Variants in ZCWPW2 observed in about 807,000 individuals in gnomAD.
The protein encoded by ZCWPW2 is zinc finger CW-type PWWP domain protein 2.
In ZCWPW2, 45 loss-of-function variants were observed where a neutral mutation model predicts 46.6. The ratio of observed to expected loss-of-function variants is 0.96; its 90% CI spans 0.76 to 1.24. The LOEUF (loss-of-function observed/expected upper bound fraction) is 1.24. Among genes scored for constraint, ZCWPW2 ranks in the 50% most tolerant of loss-of-function variants. ZCWPW2 has a pLI of 0.00. For synonymous variants in ZCWPW2, 152 were observed against 137.1 expected, an observed-to-expected ratio of 1.11 and a Z score of -0.76; for missense variants, 429 against 403.9, an observed-to-expected ratio of 1.06 and a Z score of -0.53.
At chr3:28,363,909 G>C (rs112709685) in intron 1 of ZCWPW2, among the ~76,000 whole-genome samples, 1,606 of 152,144 alleles carry the variant, frequency 0.011, 26 homozygotes, top group African/African-American at 0.037. Context: ...CCCTCCTTTT[G>C]TGAATAATAA....
At position 28,525,369 on chromosome 3, in the gene ZCWPW2, A is replaced by G. The variant is rs1358852223; in HGVS notation, c.*681A>G. Among the ~76,000 whole-genome samples the G allele has an allele frequency of 5.3e-5, 8 of 152,158 alleles. No homozygotes were observed. The highest frequency in any genetic ancestry group is 1.2e-4 in the Non-Finnish European group (8 of 68,022). ...ATTTAAAGTGTATAGAGAGAAGTTA[A>G]ACATATTGATTATAAGAAATCTAAC... is the stretch of plus-strand genomic sequence containing the variant. On this transcript the variant is annotated 3_prime_UTR_variant, in exon 10 of 10. Coordinates refer to ENST00000383768, the MANE Select transcript of ZCWPW2 (RefSeq NM_001040432.4).
chr3:28,461,846 G>T (rs1420165449), intron 4 of ZCWPW2: 1 of 152,084 alleles, frequency 6.6e-6, no homozygotes, highest in African/African-American at 2.4e-5. Context: ...AAAACAATAG[G>T]CAGAGTTAAG....
At chr3:28,513,049 GCCCTCTTCTAGTCACACTTC>G (rs939935864) in intron 6 of ZCWPW2, among the ~76,000 whole-genome samples, 10 of 152,110 alleles carry the variant, frequency 6.6e-5, no homozygotes, top group Non-Finnish European at 1.2e-4. Context: ...GTGTTCTCAT[GCCCTCTTCTAGTCACACTTC>G]CTACCTCCAA....
intron 1 of ZCWPW2, among the ~76,000 whole-genome samples, chr3:28,371,255 G>C (rs998588043): frequency 2.0e-5 from 3 of 151,972 alleles, no homozygotes; most frequent in Non-Finnish European, 4.4e-5. Context: ...TTTTTCTGAC[G>C]CTTGTTAAAA....
At chr3:28,501,719 T>C (rs1413623519) in intron 6 of ZCWPW2, among the ~76,000 whole-genome samples, 2 of 152,158 alleles carry the variant, frequency 1.3e-5, no homozygotes, top group Non-Finnish European at 2.9e-5. Context: ...TATCCATTTA[T>C]TACTTTAAAT....
At position 28,365,821 on chromosome 3, in the gene ZCWPW2, G is replaced by A. The variant is rs562345080; in HGVS notation, c.-134+16618G>A. On this transcript the variant is annotated intron_variant, in intron 1 of 9. Coordinates refer to ENST00000383768, the MANE Select transcript of ZCWPW2 (RefSeq NM_001040432.4). Reference sequence around the variant, plus strand: ...ATTTGTTTGTATCCTCTTTTATTTCGTTGAGCAGTGGTTTGTAGTTTTCCT... The same window carrying A: ...ATTTGTTTGTATCCTCTTTTATTTCATTGAGCAGTGGTTTGTAGTTTTCCT... Among the ~76,000 whole-genome samples the A allele has an allele frequency of 6.4e-5, 9 of 140,594 alleles. 1 individual carries two copies. The highest frequency in any genetic ancestry group is 2.3e-4 in the South Asian group (1 of 4,350). 92.2% of individuals were successfully genotyped at this position (140,594 alleles called of 152,430 possible). A position where few individuals can be genotyped will look rare whatever the true frequency, so the allele number is the denominator to read the frequency against.
At chr3:28,484,758 C>A (rs543342851) in intron 5 of ZCWPW2, among the ~76,000 whole-genome samples, 2 of 150,184 alleles carry the variant, frequency 1.3e-5, no homozygotes, top group Non-Finnish European at 3.0e-5. Flanking sequence ...GCCTTCCTGC[C>A]TGCCTTCCTG....
At chr3:28,516,967 A>G (rs995302636) in intron 8 of ZCWPW2, among the ~76,000 whole-genome samples, 2 of 152,176 alleles carry the variant, frequency 1.3e-5, no homozygotes, top group African/African-American at 4.8e-5. Context: ...ATCTATGATC[A>G]CGCCACTGCA....
At position 28,515,634 on chromosome 3, in the gene ZCWPW2, C is replaced by G. The variant is rs536392195; in HGVS notation, c.784+13C>G. The G allele has an allele frequency of 6.3e-7, 1 of 1,597,412 alleles. No homozygotes were observed. The highest frequency in any genetic ancestry group is 2.2e-5 in the East Asian group (1 of 44,636). On this transcript the variant is annotated intron_variant, in intron 8 of 9. Transcript: ENST00000383768. ...AAGGAGAACAGGGGTATGTGAAAGC[C>G]TGTCCTGCTTTTAGTTCTTTAACCT...
At chr3:28,406,826 C>CTTT (rs11337849) in intron 2 of ZCWPW2, among the ~76,000 whole-genome samples, 1 of 119,980 alleles carries the variant, frequency 8.3e-6, no homozygotes, top group Non-Finnish European at 1.7e-5. Flanking sequence ...TCTTTTTTTT[C>CTTT]TTTTTTTTTT....
At chr3:28,374,292 G>A (rs1705431950) in intron 1 of ZCWPW2, among the ~76,000 whole-genome samples, 2 of 152,278 alleles carry the variant, frequency 1.3e-5, no homozygotes, top group East Asian at 1.9e-4. Flanking sequence ...TCACAAATGA[G>A]CTGAGTGTAA....
intron 1 of ZCWPW2, among the ~76,000 whole-genome samples, chr3:28,362,197 A>T (rs1447215904): frequency 2.0e-5 from 3 of 152,182 alleles, no homozygotes; most frequent in African/African-American, 7.2e-5. Flanking sequence ...GCCTTAAAAA[A>T]GTTTAGTTAT....
chr3:28,438,278 G>A (rs1345872034), intron 4 of ZCWPW2, among the ~76,000 whole-genome samples: 1 of 152,180 alleles, frequency 6.6e-6, no homozygotes, highest in Non-Finnish European at 1.5e-5. Context: ...CAGCTGAAGT[G>A]ACTTCCAGGA....
chr3:28,510,975 C>T (rs545678453), intron 6 of ZCWPW2: 2 of 442,112 alleles, frequency 4.5e-6, no homozygotes, highest in African/African-American at 4.0e-5. Flanking sequence ...TGAGTCTCTA[C>T]CACCTGGTAG....
chr3:28,354,553 AAG>A (rs1704664282), intron 1 of ZCWPW2, among the ~76,000 whole-genome samples: 1 of 129,178 alleles, frequency 7.7e-6, no homozygotes, highest in South Asian at 2.7e-4. Flanking sequence ...ACAACAAAAA[AAG>A]AGAATTTTAG....
At chr3:28,349,284 G>C in intron 1 of ZCWPW2, 81 bp downstream of exon 1, 2 of 875,484 alleles carry the variant, frequency 2.3e-6, no homozygotes, top group Non-Finnish European at 2.7e-6. Context: ...TTTTCACTCA[G>C]TGTCCTTTTG....
chr3:28,423,653 A>G (rs890521180), intron 3 of ZCWPW2, among the ~76,000 whole-genome samples: 1 of 152,026 alleles, frequency 6.6e-6, no homozygotes, highest in African/African-American at 2.4e-5. Flanking sequence ...GGCTTGAGCC[A>G]CTGCGCCCGG....
intron 2 of ZCWPW2, among the ~76,000 whole-genome samples, chr3:28,408,311 A>G (rs1696246577): frequency 1.3e-5 from 2 of 152,196 alleles, no homozygotes; most frequent in Admixed American, 6.5e-5. Context: ...TGATGCCACA[A>G]ACTTTCCCCT....
chr3:28,369,989 T>A (rs1357998586), intron 1 of ZCWPW2, among the ~76,000 whole-genome samples: 1 of 152,348 alleles, frequency 6.6e-6, no homozygotes, highest in Non-Finnish European at 1.5e-5. Flanking sequence ...GTGTGCTGTT[T>A]GCTAATACCG....
Sources: gnomAD v4.1 joint callset for allele counts (sites outside exome capture counted in the v4.1 genomes callset) on GRCh38, gnomAD v4.1.1 for gene constraint, MANE v1.5 for transcripts, NCBI Gene and HGNC (gene_info 2026-07-23, HGNC 2026-07-21) for gene names.